The following TATDN1 variants were observed in gnomAD, a reference collection of about 807,000 sequenced individuals.
The protein encoded by TATDN1 is TatD DNase domain containing 1.
In TATDN1, 40 loss-of-function variants were observed where a neutral mutation model predicts 46.4. That is an observed-to-expected ratio of 0.86 (90% confidence interval 0.67 to 1.12). TATDN1 has a LOEUF of 1.12. TATDN1 is among the 50% of genes most tolerant of loss of function. TATDN1 has a pLI of 0.00. For synonymous variants in TATDN1, 95 were observed against 105.6 expected (o/e 0.90, Z 0.62); for missense variants, 326 against 348.4 (o/e 0.94, Z 0.51).
intron 9 of TATDN1, 78 bp from the exon 10 acceptor site, chr8:124,495,620 T>C (rs141175055): frequency 8.1e-6 from 10 of 1,233,142 alleles, no homozygotes; most frequent in Middle Eastern, 1.9e-4. Context: ...TTGTCTAAAA[T>C]GCTACAAAAC....
intron 1 of TATDN1, among the ~76,000 whole-genome samples, chr8:124,525,517 G>A (rs1820411139): frequency 6.6e-6 from 1 of 152,166 alleles, no homozygotes; most frequent in Admixed American, 6.5e-5. Flanking sequence ...ACAAATAAGT[G>A]AGTCTTTCTG....
At position 124,488,504 on chromosome 8, in the gene TATDN1, C is replaced by T; in HGVS notation, c.*90G>A. 1 of 675,662 alleles carries T rather than the reference C, an allele frequency of 1.5e-6. No individual in the cohort carries two copies. The highest frequency in any genetic ancestry group is 2.6e-6 in the Non-Finnish European group (1 of 386,396). The allele number at this position is 675,662 out of a possible 1,614,324, so 41.9% of individuals were successfully genotyped here. A position where few individuals can be genotyped will look rare whatever the true frequency, so the allele number is the denominator to read the frequency against. On this transcript the variant is annotated 3_prime_UTR_variant, in exon 12 of 12. Transcript: ENST00000276692. The stretch of plus-strand genomic sequence containing the variant: ...TACCGATATATAGTATTTCTTTAGA[C>T]AACTTGCAGATAATTTCTTTATTGA...
intron 6 of TATDN1, among the ~76,000 whole-genome samples, chr8:124,511,558 A>G (rs1466084836): frequency 1.3e-5 from 2 of 152,204 alleles, no homozygotes; most frequent in African/African-American, 4.8e-5. Context: ...GTGTAGCATA[A>G]GGCCAGGAAA....
chr8:124,508,441 A>C (rs200459472), intron 8 of TATDN1, 33 bp downstream of exon 8: 31 of 1,591,632 alleles, frequency 1.9e-5, no homozygotes, highest in South Asian at 9.1e-5. Flanking sequence ...AGAGATGTTC[A>C]ACCTGTATTA....
At chr8:124,498,951 CTTTT>C (rs77795578) in intron 9 of TATDN1, among the ~76,000 whole-genome samples, 1 of 132,376 alleles carries the variant, frequency 7.6e-6, no homozygotes, top group African/African-American at 2.8e-5. Context: ...CGCCTGGCCT[CTTTT>C]TTTTTTTTTT....
intron 1 of TATDN1, among the ~76,000 whole-genome samples, chr8:124,528,533 C>T (rs1820700494): frequency 6.6e-6 from 1 of 152,088 alleles, no homozygotes; most frequent in South Asian, 2.1e-4. Context: ...CCAAACAACT[C>T]CTTGTTTGGC....
Position 124,531,199 on chromosome 8 carries a change from C to A in TATDN1, c.22+7826G>T, listed in dbSNP as rs74576985. Among the ~76,000 whole-genome samples the A allele has an allele frequency of 2.0e-3, 298 of 151,026 alleles. 2 individuals are homozygous for A. The highest frequency in any genetic ancestry group is 7.0e-3 in the African/African-American group (281 of 40,362). ...GCCCCTGGCAATAAGCCTAAAGTTCCCTCCTGTCATTTGGCAGGAGAAAAT... is the reference window on the plus strand; with the variant it reads ...GCCCCTGGCAATAAGCCTAAAGTTCACTCCTGTCATTTGGCAGGAGAAAAT... On this transcript the variant is annotated intron_variant, in intron 1 of 11. Coordinates refer to ENST00000276692, the MANE Select transcript of TATDN1 (RefSeq NM_032026.4).
chr8:124,539,034 T>G lies in TATDN1; in HGVS notation c.13A>C (p.Lys5Gln). The change falls in exon 1 of 12, where the codon AAG (lysine) becomes CAG (glutamine). Residue 5 changes from lysine (K) to glutamine (Q), a missense_variant. Coordinates refer to ENST00000276692, the MANE Select transcript of TATDN1 (RefSeq NM_032026.4). MSRF[K>Q]FIDIGINLTD... ...AAAACGCTCCTCTTACCGATAAACT[T>G]GAAGCGACTCATGACTGCGCATGGA... 2 of 1,614,094 alleles carry G rather than the reference T, an allele frequency of 1.2e-6. No homozygotes were observed. Among genetic ancestry groups the G allele is most frequent in the Non-Finnish European group, 1.7e-6 (2 of 1,179,982 alleles).
intron 8 of TATDN1, among the ~76,000 whole-genome samples, chr8:124,507,864 G>A (rs573191973): frequency 6.6e-6 from 1 of 151,334 alleles, no homozygotes; most frequent in South Asian, 2.1e-4. Flanking sequence ...AATTCTGTAC[G>A]CATTCTTGTA....
At chr8:124,522,710 C>T (rs750270239) in intron 2 of TATDN1, among the ~76,000 whole-genome samples, 18 of 152,122 alleles carry the variant, frequency 1.2e-4, no homozygotes, top group Non-Finnish European at 2.1e-4. Context: ...TGAGCCACTG[C>T]GCCCAGCCAG....
intron 9 of TATDN1, among the ~76,000 whole-genome samples, chr8:124,496,653 GTTCAT>G (rs1431113000): frequency 6.6e-6 from 1 of 152,122 alleles, no homozygotes; most frequent in Non-Finnish European, 1.5e-5. Context: ...ATGCTTGATA[GTTCAT>G]TTCTTTTGGC....
chr8:124,532,063 A>G (rs1205441981), intron 1 of TATDN1, among the ~76,000 whole-genome samples: 1 of 151,458 alleles, frequency 6.6e-6, no homozygotes, highest in Non-Finnish European at 1.5e-5. Flanking sequence ...GAGGGGAGCA[A>G]GGAAGAAGGA....
chr8:124,529,293 C>A (rs1820762317), intron 1 of TATDN1, among the ~76,000 whole-genome samples: 1 of 152,222 alleles, frequency 6.6e-6, no homozygotes, highest in Admixed American at 6.5e-5. Context: ...GTGGCAAAGA[C>A]TTTTCAAATC....
chr8:124,501,191 A>T (rs948090963), intron 9 of TATDN1, among the ~76,000 whole-genome samples: 2 of 152,184 alleles, frequency 1.3e-5, no homozygotes, highest in African/African-American at 4.8e-5. Context: ...AGATCCTCTA[A>T]CCCATCCTGC....
At chr8:124,513,834 A>G (rs763227282) in intron 6 of TATDN1, among the ~76,000 whole-genome samples, 3 of 152,224 alleles carry the variant, frequency 2.0e-5, no homozygotes, top group Non-Finnish European at 4.4e-5. Flanking sequence ...ACCAGACATG[A>G]AAGTTGAGGA....
intron 1 of TATDN1, among the ~76,000 whole-genome samples, chr8:124,532,473 G>A (rs1227659331): frequency 1.3e-5 from 2 of 152,226 alleles, no homozygotes; most frequent in African/African-American, 2.4e-5. Context: ...TTATAGAGAC[G>A]AGGTTTCACC....
At chr8:124,531,482 T>C (rs748149534) in intron 1 of TATDN1, among the ~76,000 whole-genome samples, 5 of 152,192 alleles carry the variant, frequency 3.3e-5, no homozygotes, top group Admixed American at 2.6e-4. Context: ...TTCTAGTATT[T>C]GGCAGGTAAA....
chr8:124,493,878 T>A lies in TATDN1; in HGVS notation c.746A>T (p.Glu249Val). The change falls in exon 11 of 12, where the codon GAA (glutamate) becomes GTA (valine). Residue 249 changes from glutamate to valine, a missense_variant. Glu to Val is a moderately radical substitution (Grantham distance 121, BLOSUM62 -2). Coordinates refer to ENST00000276692, the MANE Select transcript of TATDN1 (RefSeq NM_032026.4). ...TCTGTCTTTTAAGCAGTGCCCACTT[T>A]CCCACTTCTTTTTGGTAGGAAATGC... Reference protein sequence around the residue: ...RTAFPTKKKWESGHCLKDRNE... With the variant: ...RTAFPTKKKWVSGHCLKDRNE... 6.2e-7 allele frequency: 1 copy of A among 1,611,940 alleles called. No homozygotes were observed.
In TATDN1 at chr8:124,522,961, A is replaced by G. The variant is rs1383072088; in HGVS notation, c.64T>C (p.Tyr22His). The change falls in exon 2 of 12, where the codon TAT (tyrosine) becomes CAT (histidine). Residue 22 changes from tyrosine (Y) to histidine (H), a missense_variant. Physicochemically the swap from Tyr to His is moderately conservative, Grantham distance 83 (BLOSUM62 2). Transcript: ENST00000276692. ...NLTDPMFRGI[Y>H]RGVQKHQDDL... is the part of the protein sequence containing the mutation. ...CCTTGATGCTTTTGAACCCCCCTAT[A>G]AATTCCTCTGAACATAGGGTCAGTC... 8 of 1,613,366 alleles carry G rather than the reference A, an allele frequency of 5.0e-6. No homozygotes were observed. Among genetic ancestry groups the G allele is most frequent in the Non-Finnish European group, 6.8e-6 (8 of 1,179,706 alleles).
Sources: allele counts gnomAD v4.1 joint callset (sites outside exome capture counted in the v4.1 genomes callset), GRCh38; gene constraint gnomAD v4.1.1; transcripts MANE v1.5; gene names NCBI Gene and HGNC (gene_info 2026-07-23, HGNC 2026-07-21).